Variants in PTPRH observed in about 807,000 individuals in gnomAD.
PTPRH encodes protein tyrosine phosphatase receptor type H, also known as receptor-type tyrosine-protein phosphatase H.
PTPRH carries 113 observed loss-of-function variants against 130.2 expected under a neutral mutation model. The observed-to-expected ratio is 0.87, with a 90% CI of 0.75 to 1.01. The LOEUF is 1.01. Ranked by LOEUF, PTPRH falls within the 50% of genes least tolerant of loss-of-function variation. The pLI is 0.00. For missense variants in PTPRH, 1,430 were observed against 1,425.0 expected (o/e 1.00, Z -0.06); for synonymous variants, 556 against 577.9 (o/e 0.96, Z 0.54).
In PTPRH at chr19:55,198,783, A is replaced by T. The variant is rs746928100; in HGVS notation, c.1550T>A (p.Met517Lys). 6.2e-7 allele frequency: 1 copy of T among 1,613,690 alleles called. No homozygotes were observed. The highest frequency in any genetic ancestry group is 8.5e-7 in the Non-Finnish European group (1 of 1,179,866). The change falls in exon 8 of 20, where the codon ATG becomes AAG. Residue 517 changes from methionine (M) to lysine (K), a missense_variant. Met to Lys is a moderately conservative substitution (Grantham distance 95). Coordinates refer to ENST00000376350, the MANE Select transcript of PTPRH (RefSeq NM_002842.5). ...GGTGCTTTGGGTCCTGGGGTCAGTC[A>T]TGCCTTCCCTGACCCATGAGACCCA... is the stretch of plus-strand genomic sequence containing the variant. ...SYWVSWVREGMTDPRTQSTSG... is the reference protein window; with the variant it reads ...SYWVSWVREGKTDPRTQSTSG...
chr19:55,200,236 C>A lies in PTPRH; in HGVS notation c.1420G>T (p.Val474Phe). ...GGGAGTGGCCGTTGAGGGTTCCTAC[C>A]TGTGGAGATGCTGACATTCTGCCTG... The part of the protein sequence containing the change: ...GSRQNVSIST[V>F]PNAVTSLSKQ... Residue 474 changes from valine to phenylalanine, a missense_variant and splice_region_variant, in exon 7 of 20, where the codon GTC (valine) becomes TTC (phenylalanine). By Grantham distance (50) the Val-to-Phe change is conservative (BLOSUM62 -1). Coordinates refer to ENST00000376350, the MANE Select transcript of PTPRH (RefSeq NM_002842.5). 1.2e-6 allele frequency: 2 copies of A among 1,614,116 alleles called. No homozygotes were observed. The highest frequency in any genetic ancestry group is 8.5e-7 in the Non-Finnish European group (1 of 1,179,992).
chr19:55,199,020 C>G, intron 7 of PTPRH, 108 bp from the exon 8 acceptor site: 1 of 1,116,054 alleles, frequency 9.0e-7, no homozygotes. Flanking sequence ...AGAAACACTT[C>G]CTGGCAGGGC....
intron 4 of PTPRH, among the ~76,000 whole-genome samples, chr19:55,205,013 C>A (rs1414569035): frequency 6.6e-6 from 1 of 152,162 alleles, no homozygotes; most frequent in East Asian, 1.9e-4. Flanking sequence ...GTCAGAGGGT[C>A]AGAGTGTCCC....
At chr19:55,193,049 C>A (rs2086587708) in intron 10 of PTPRH, among the ~76,000 whole-genome samples, 1 of 150,724 alleles carries the variant, frequency 6.6e-6, no homozygotes, top group African/African-American at 2.4e-5. Context: ...GGCAACATAA[C>A]AAAACCCAGT....
At position 55,183,276 on chromosome 19, in the gene PTPRH, C is replaced by T. The variant is rs1267488393; in HGVS notation, c.3063-1125G>A. On this transcript the variant is annotated intron_variant, in intron 18 of 19. Transcript: ENST00000376350. ...AAAATTACCCGGGTGTGGTGGCGGGCGCCTGTAGTCCCAGCTACTCGAGAG... is the reference window on the plus strand; with the variant it reads ...AAAATTACCCGGGTGTGGTGGCGGGTGCCTGTAGTCCCAGCTACTCGAGAG... Among the ~76,000 whole-genome samples the T allele has an allele frequency of 4.7e-5, 7 of 149,022 alleles. 1 individual carries two copies. The highest frequency in any genetic ancestry group is 1.2e-4 in the African/African-American group (5 of 40,670).
In PTPRH at chr19:55,187,523, A is replaced by G; in HGVS notation, c.2556T>C (p.Asn852=). The G allele has an allele frequency of 1.9e-6, 3 of 1,611,982 alleles. No individual in the cohort carries two copies. The highest frequency in any genetic ancestry group is 2.5e-6 in the Non-Finnish European group (3 of 1,178,672). ...GAACCCGAGACTCACAGGGCAGCAC[A>G]TTTCTGTAGCGGTTCTTGGCGTTGT... ...SENNAKNRYR[N]VLPYDWSRVP... The change falls in exon 14 of 20, where the codon AAT becomes AAC. Residue 852 remains asparagine (N), a synonymous_variant. Coordinates refer to ENST00000376350, the MANE Select transcript of PTPRH (RefSeq NM_002842.5).
chr19:55,189,761 G>A, intron 12 of PTPRH: 1 of 455,420 alleles, frequency 2.2e-6, no homozygotes, highest in South Asian at 1.6e-5. Context: ...TGGAAGGGCT[G>A]CTTGGGGCCA....
At chr19:55,184,570 C>T (rs914545876) in intron 18 of PTPRH, among the ~76,000 whole-genome samples, 9 of 151,694 alleles carry the variant, frequency 5.9e-5, no homozygotes, top group Admixed American at 6.6e-5. Context: ...AGACGGATCA[C>T]GAGGTCAGGA....
At chr19:55,193,738 C>T (rs532253485) in intron 10 of PTPRH, among the ~76,000 whole-genome samples, 47 of 152,234 alleles carry the variant, frequency 3.1e-4, no homozygotes, top group African/African-American at 8.9e-4. Flanking sequence ...CTGGCATGGA[C>T]GGCTTCTGTT....
chr19:55,188,019 G>A, intron 13 of PTPRH, 59 bp downstream of exon 13: 1 of 1,073,810 alleles, frequency 9.3e-7, no homozygotes, highest in Non-Finnish European at 1.3e-6. Flanking sequence ...AGGGGGTGGG[G>A]GGTGGGGGTC....
intron 5 of PTPRH, 94 bp from the exon 6 acceptor site, chr19:55,202,416 A>G (rs2086892640): frequency 6.5e-7 from 1 of 1,542,768 alleles, no homozygotes; most frequent in Admixed American, 1.9e-5. Context: ...AGGTGGAGGC[A>G]GGGAGGCCCA....
chr19:55,203,026 T>C (rs1236615690), intron 5 of PTPRH, among the ~76,000 whole-genome samples: 3 of 136,988 alleles, frequency 2.2e-5, no homozygotes, highest in Non-Finnish European at 3.1e-5. Flanking sequence ...AGACAGAGAC[T>C]CTGTCCCAAA....
chr19:55,192,774 A>G (rs2086579873), intron 10 of PTPRH, among the ~76,000 whole-genome samples: 1 of 151,416 alleles, frequency 6.6e-6, no homozygotes, highest in Admixed American at 6.6e-5. Flanking sequence ...GGTGGTCCTG[A>G]TCTCCTGACC....
intron 6 of PTPRH, among the ~76,000 whole-genome samples, chr19:55,201,054 T>C (rs1029951136): frequency 3.9e-5 from 6 of 152,084 alleles, no homozygotes; most frequent in Non-Finnish European, 8.8e-5. Flanking sequence ...CCTTTATGCC[T>C]GGGGTTACTG....
At position 55,197,332 on chromosome 19, in the gene PTPRH, T is replaced by C; in HGVS notation, c.1775A>G (p.His592Arg). 1.2e-6 allele frequency: 2 copies of C among 1,614,128 alleles called. No homozygotes were observed. Among genetic ancestry groups the C allele is most frequent in the South Asian group, 2.2e-5 (2 of 91,080 alleles). The change falls in exon 9 of 20, where the codon CAC (histidine) becomes CGC (arginine). Residue 592 changes from histidine (H) to arginine (R), a missense_variant. His to Arg is a conservative substitution (Grantham distance 29, BLOSUM62 0). Transcript: ENST00000376350. ...GACCCAGTATACGTACAACTGAGAG[T>C]GGGGGTCTCCAGGGGCCTTCCACCA... The part of the protein sequence containing the change: ...MLWWKAPGDP[H>R]SQLYVYWVQW...
At chr19:55,203,297 A>G (rs2086930142) in intron 5 of PTPRH, among the ~76,000 whole-genome samples, 1 of 142,852 alleles carries the variant, frequency 7.0e-6, no homozygotes, top group South Asian at 2.3e-4. Context: ...ACTGCACTCC[A>G]GCCTGGGCGA....
At position 55,203,902 on chromosome 19, in the gene PTPRH, TTCGAGTCTCTGTTCTGCC is replaced by T. The variant is rs776588223; in HGVS notation, c.748_765del (p.Gly250_Arg255del). 1 of 1,614,148 alleles carries T rather than the reference TTCGAGTCTCTGTTCTGCC, an allele frequency of 6.2e-7. No individual in the cohort carries two copies. The highest frequency in any genetic ancestry group is 1.7e-5 in the Admixed American group (1 of 60,012). ...ACGGTGACTCTGGTGTCTGTTGTGT[TTCGAGTCTCTGTTCTGCC>T]ACCATCTCCAGTGCACTGAACGCAG... On this transcript the variant is annotated inframe_deletion, in exon 5 of 20. Transcript: ENST00000376350.
chr19:55,191,474 A>G (rs2147444888), intron 12 of PTPRH, 27 bp downstream of exon 12: 4 of 1,613,128 alleles, frequency 2.5e-6, no homozygotes, highest in Non-Finnish European at 3.4e-6. Context: ...GATTCTTTCC[A>G]ATGCACCCCC....
rs2058578559 is a variant in PTPRH at position 55,203,903 on chromosome 19, T to C, written c.765A>G (p.Arg255=). ...CTGDGGRTET[R]NTTDTRVTVD... ...CGGTGACTCTGGTGTCTGTTGTGTT[T>C]CGAGTCTCTGTTCTGCCACCATCTC... The change falls in exon 5 of 20, where the codon CGA becomes CGG. Residue 255 remains arginine, a synonymous_variant. Transcript: ENST00000376350. The C allele has an allele frequency of 3.1e-6, 5 of 1,614,052 alleles. No individual in the cohort carries two copies. Among genetic ancestry groups the C allele is most frequent in the Non-Finnish European group, 4.2e-6 (5 of 1,180,042 alleles).
Sources: gnomAD v4.1 joint callset for allele counts (sites outside exome capture counted in the v4.1 genomes callset) on GRCh38, gnomAD v4.1.1 for gene constraint, MANE v1.5 for transcripts, NCBI Gene and HGNC (gene_info 2026-07-23, HGNC 2026-07-21) for gene names.